The following CTNND2 variants were observed in gnomAD, a reference collection of about 807,000 sequenced individuals.
CTNND2 encodes catenin delta-2.
In CTNND2, 22 loss-of-function variants were observed where a neutral mutation model predicts 144.4. The observed-to-expected ratio is 0.15, with a 90% confidence interval of 0.11 to 0.22. CTNND2 has a LOEUF of 0.22. Ranked by LOEUF, CTNND2 falls within the 10% of genes least tolerant of loss-of-function variation. The pLI is 1.00. For missense variants in CTNND2, 1,353 were observed against 1,618.8 expected, an observed-to-expected ratio of 0.84 and a Z score of 2.82; for synonymous variants, 751 against 695.6, an observed-to-expected ratio of 1.08 and a Z score of -1.25.
intron 1 of CTNND2, among the ~76,000 whole-genome samples, chr5:11,791,363 G>A (rs182489217): frequency 7.8e-4 from 119 of 152,272 alleles, no homozygotes; most frequent in Middle Eastern, 6.8e-3. Flanking sequence ...GAGGAAGACC[G>A]TGCAACAAGA....
At chr5:11,564,666 GA>G (rs1776935028) in intron 3 of CTNND2, among the ~76,000 whole-genome samples, 1 of 151,320 alleles carries the variant, frequency 6.6e-6, no homozygotes, top group African/African-American at 2.4e-5. Context: ...GGCATCTCCT[GA>G]TTTCCAGCAA....
chr5:11,715,724 G>A (rs1786314100), intron 2 of CTNND2, among the ~76,000 whole-genome samples: 1 of 152,208 alleles, frequency 6.6e-6, no homozygotes, highest in South Asian at 2.1e-4. Flanking sequence ...TGCCTATAAA[G>A]AGATTACCCA....
chr5:11,724,242 A>G (rs1786875013), intron 2 of CTNND2, among the ~76,000 whole-genome samples: 1 of 152,160 alleles, frequency 6.6e-6, no homozygotes, highest in South Asian at 2.1e-4. Flanking sequence ...TTGGGTCTCC[A>G]TAAAGACAGA....
rs115234387 is a variant in CTNND2 at position 11,483,521 on chromosome 5, T to C, written c.288-71452A>G. On this transcript the variant is annotated intron_variant, in intron 3 of 21. Coordinates refer to ENST00000304623, the MANE Select transcript of CTNND2 (RefSeq NM_001332.4). Reference sequence around the variant, plus strand: ...AACTGGAAGACCTGTTTCACATTGTTGCCCAGTGTTTTAAAAGAAGAGATT... The same window carrying C: ...AACTGGAAGACCTGTTTCACATTGTCGCCCAGTGTTTTAAAAGAAGAGATT... 7.0e-3 allele frequency among the ~76,000 whole-genome samples: 1,062 copies of C among 152,340 alleles called. 10 individuals are homozygous for C. Among genetic ancestry groups the C allele is most frequent in the African/African-American group, 0.024 (1,002 of 41,582 alleles).
At chr5:11,776,245 G>A (rs1323081267) in intron 1 of CTNND2, among the ~76,000 whole-genome samples, 1 of 152,174 alleles carries the variant, frequency 6.6e-6, no homozygotes, top group Non-Finnish European at 1.5e-5. Flanking sequence ...GAGGACTTCA[G>A]GCAGAAAACA....
chr5:11,180,745 C>T (rs781072283), intron 11 of CTNND2, among the ~76,000 whole-genome samples: 10 of 152,226 alleles, frequency 6.6e-5, no homozygotes, highest in Non-Finnish European at 1.2e-4. Context: ...CCTGCTACCT[C>T]GTAGAAAACA....
chr5:11,312,700 C>CTCACCCTCACCACTCCCCATATACCT, intron 9 of CTNND2, among the ~76,000 whole-genome samples: 1 of 152,086 alleles, frequency 6.6e-6, no homozygotes. Flanking sequence ...CCCATATACC[C>CTCACCCTCACCACTCCCCATATACCT]TCACCCTCAC....
intron 9 of CTNND2, among the ~76,000 whole-genome samples, chr5:11,285,514 T>C (rs1747631931): frequency 6.6e-6 from 1 of 152,192 alleles, no homozygotes; most frequent in Non-Finnish European, 1.5e-5. Context: ...TGAATACTAG[T>C]GACAGGTGCT....
At chr5:11,804,740 C>T (rs1791898287) in intron 1 of CTNND2, among the ~76,000 whole-genome samples, 1 of 152,018 alleles carries the variant, frequency 6.6e-6, no homozygotes, top group African/African-American at 2.4e-5. Flanking sequence ...AAACACAGGG[C>T]AATTTTTAGG....
At chr5:11,430,248 C>CAA (rs1307787997) in intron 3 of CTNND2, among the ~76,000 whole-genome samples, 57 of 38,086 alleles carry the variant, frequency 1.5e-3, no homozygotes, top group Non-Finnish European at 1.8e-3. Context: ...GACTCCGTCT[C>CAA]AAAAAAAAAA....
chr5:11,874,438 T>C (rs1244061942), intron 1 of CTNND2, among the ~76,000 whole-genome samples: 1 of 152,094 alleles, frequency 6.6e-6, no homozygotes, highest in South Asian at 2.1e-4. Flanking sequence ...TAACTAATAA[T>C]ACAATAGGAC....
At chr5:11,133,876 T>C (rs1038101039) in intron 12 of CTNND2, among the ~76,000 whole-genome samples, 3 of 152,208 alleles carry the variant, frequency 2.0e-5, no homozygotes, top group Non-Finnish European at 4.4e-5. Flanking sequence ...TCCATTATTG[T>C]CATGATTGCA....
intron 2 of CTNND2, among the ~76,000 whole-genome samples, chr5:11,725,294 A>G (rs992584784): frequency 2.0e-5 from 3 of 152,236 alleles, no homozygotes; most frequent in African/African-American, 7.2e-5. Flanking sequence ...CCTTCCTGTC[A>G]CATTTTCTCT....
chr5:11,654,473 AT>A (rs376561110), intron 2 of CTNND2, among the ~76,000 whole-genome samples: 171 of 151,622 alleles, frequency 1.1e-3, no homozygotes, highest in African/African-American at 3.6e-3. Context: ...AAGCATTTTT[AT>A]TTTTTTTGAT....
intron 1 of CTNND2, among the ~76,000 whole-genome samples, chr5:11,891,385 T>C (rs367783002): frequency 9.3e-4 from 142 of 152,286 alleles, no homozygotes; most frequent in African/African-American, 3.2e-3. Flanking sequence ...CCACCAGAGA[T>C]TGGCCTTCCT....
At chr5:10,980,278 C>T (rs1737063220) in intron 21 of CTNND2, among the ~76,000 whole-genome samples, 1 of 152,006 alleles carries the variant, frequency 6.6e-6, no homozygotes, top group Non-Finnish European at 1.5e-5. Context: ...TTTTATGCAG[C>T]CAACAGACAT....
chr5:11,671,591 T>G (rs1184307384), intron 2 of CTNND2, among the ~76,000 whole-genome samples: 3 of 151,902 alleles, frequency 2.0e-5, no homozygotes, highest in African/African-American at 7.3e-5. Context: ...TTGTATATGC[T>G]TCATGAAGTT....
chr5:11,322,470 G>A lies in CTNND2; in HGVS notation c.1628+23902C>T, dbSNP rs537131555. Among the ~76,000 whole-genome samples, 64 of 152,264 alleles carry A rather than the reference G, an allele frequency of 4.2e-4. No homozygotes were observed. The South Asian group carries it at 0.013, about 31-fold the overall frequency. On this transcript the variant is annotated intron_variant, in intron 9 of 21. Coordinates refer to ENST00000304623, the MANE Select transcript of CTNND2 (RefSeq NM_001332.4). ...TATGAATTGCCTCCAAAAAAGACTG[G>A]TGATATAAATGCACTATCCCACACA...
intron 2 of CTNND2, among the ~76,000 whole-genome samples, chr5:11,666,928 C>T: frequency 6.6e-6 from 1 of 152,082 alleles, no homozygotes; most frequent in South Asian, 2.1e-4. Context: ...AGCCCCCACC[C>T]CCTGACAGGC....
Sources: allele counts gnomAD v4.1 joint callset (sites outside exome capture counted in the v4.1 genomes callset), GRCh38; gene constraint gnomAD v4.1.1; transcripts MANE v1.5; gene names NCBI Gene and HGNC (gene_info 2026-07-23, HGNC 2026-07-21).